Variants in TRIP11 observed in about 807,000 individuals in gnomAD.
The protein encoded by TRIP11 is thyroid hormone receptor interactor 11.
In TRIP11, 148 loss-of-function variants were observed where a neutral mutation model predicts 223.1. That is an observed-to-expected ratio of 0.66 (90% CI 0.58 to 0.76). The LOEUF (loss-of-function observed/expected upper bound fraction) is 0.76. Ranked by LOEUF, TRIP11 falls within the 30% of genes least tolerant of loss-of-function variation. The probability of loss-of-function intolerance (pLI) is 0.00; values close to 1 mark genes in which losing one functional copy is unlikely to be tolerated. For missense variants in TRIP11, 2,043 were observed against 2,222.0 expected (o/e 0.92, Z 1.62); for synonymous variants, 762 against 772.6 (o/e 0.99, Z 0.23).
intron 16 of TRIP11, among the ~76,000 whole-genome samples, chr14:91,976,710 A>C (rs1404799506): frequency 6.6e-6 from 1 of 152,220 alleles, no homozygotes; most frequent in Admixed American, 6.5e-5. Context: ...AAATTGCAAA[A>C]TATAATTCAG....
chr14:91,968,379 T>G lies in TRIP11; in HGVS notation c.*1294A>C, dbSNP rs143185383. ...TATGAAAAATTAAAGAAATACTTTC[T>G]TAAGTTTCAAACATCTGGGTACTGG... On this transcript the variant is annotated 3_prime_UTR_variant, in exon 21 of 21. Coordinates refer to ENST00000267622, the MANE Select transcript of TRIP11 (RefSeq NM_004239.4). 1 of 205,724 alleles carries G rather than the reference T, an allele frequency of 4.9e-6. No individual in the cohort carries two copies. The highest frequency in any genetic ancestry group is 9.9e-6 in the Non-Finnish European group (1 of 100,848). 12.7% of individuals were successfully genotyped at this position (205,724 alleles called of 1,614,324 possible).
rs192470618 is a variant in TRIP11, at chr14:92,018,290, T to C, written c.589-540A>G. Among the ~76,000 whole-genome samples, 88 of 151,940 alleles carry C rather than the reference T, an allele frequency of 5.8e-4. No homozygotes were observed. The Middle Eastern group carries it at 0.02, about 35-fold the overall frequency. ...TTTTTTTGTAGAGATGGGATCTCAC[T>C]ATGTTGCCCAGGCTGGTCTCGAGCT... On this transcript the variant is annotated intron_variant, in intron 4 of 20. Coordinates refer to ENST00000267622, the MANE Select transcript of TRIP11 (RefSeq NM_004239.4).
chr14:91,994,498 C>T (rs1203229736), intron 14 of TRIP11, among the ~76,000 whole-genome samples: 6 of 152,152 alleles, frequency 3.9e-5, no homozygotes, highest in Non-Finnish European at 7.3e-5. Context: ...CCCGCCTTGG[C>T]CTCCCAAAGT....
At chr14:92,007,444 T>C (rs925197489) in intron 10 of TRIP11, among the ~76,000 whole-genome samples, 196 bp downstream of exon 10, 1 of 152,264 alleles carries the variant, frequency 6.6e-6, no homozygotes, top group Non-Finnish European at 1.5e-5. Flanking sequence ...CACTCATTTG[T>C]TGGTATCACA....
chr14:91,974,778 A>C, intron 18 of TRIP11, 35 bp from the exon 19 acceptor site: 1 of 1,463,218 alleles, frequency 6.8e-7, no homozygotes, highest in Non-Finnish European at 9.4e-7. Context: ...AAATATTATC[A>C]GTACAAGAAA....
chr14:91,988,349 G>A lies in TRIP11; in HGVS notation c.5195C>T (p.Ser1732Leu). 1 of 1,613,734 alleles carries A rather than the reference G, an allele frequency of 6.2e-7. No homozygotes were observed. The highest frequency in any genetic ancestry group is 8.5e-7 in the Non-Finnish European group (1 of 1,179,904). The change falls in exon 16 of 21, where the codon TCA becomes TTA. Residue 1732 changes from serine to leucine, a missense_variant. By Grantham distance (145) the Ser-to-Leu change is moderately radical. Coordinates refer to ENST00000267622, the MANE Select transcript of TRIP11 (RefSeq NM_004239.4). The stretch of plus-strand genomic sequence containing the variant: ...TAACTGTTCTGTAAGTCTTGATGCT[G>A]AATCCAATGCAGCATTTGCTTCATC... ...CLDEANAALD[S>L]ASRLTEQLDV... is the part of the protein sequence containing the mutation.
In TRIP11 at chr14:92,004,388, A is replaced by G. The variant is rs758064584; in HGVS notation, c.3588T>C (p.Ala1196=). Residue 1196 remains alanine (A), a synonymous_variant, in exon 11 of 21, where the codon GCT becomes GCC. Coordinates refer to ENST00000267622, the MANE Select transcript of TRIP11 (RefSeq NM_004239.4). ...CAAATTGATTACTATTAACACCTCC[A>G]GCCTCATTACCAGTGCTGGATGTTT... ...VLQTSSTGNE[A]GGVNSNQFEE... The G allele has an allele frequency of 5.0e-6, 8 of 1,614,066 alleles. No individual in the cohort carries two copies. The highest frequency in any genetic ancestry group is 6.8e-6 in the Non-Finnish European group (8 of 1,180,030).
Position 92,014,536 on chromosome 14 carries a change from C to T in TRIP11, c.865G>A (p.Glu289Lys). 6.3e-7 allele frequency: 1 copy of T among 1,598,854 alleles called. No individual in the cohort carries two copies. The highest frequency in any genetic ancestry group is 8.5e-7 in the Non-Finnish European group (1 of 1,176,624). ...VIETDLSKIY[E>K]MQKTIQVLQI... Reference sequence around the variant, plus strand: ...AGAACTTGAATAGTTTTTTGCATCTCATAGATTTTAGAGAGATCAGTTTCT... The same window carrying T: ...AGAACTTGAATAGTTTTTTGCATCTTATAGATTTTAGAGAGATCAGTTTCT... The change falls in exon 7 of 21, where the codon GAG becomes AAG. Residue 289 changes from glutamate to lysine, a missense_variant. Transcript: ENST00000267622.
intron 16 of TRIP11, among the ~76,000 whole-genome samples, chr14:91,982,734 G>A (rs980698934): frequency 6.6e-6 from 1 of 152,320 alleles, no homozygotes; most frequent in Non-Finnish European, 1.5e-5. Context: ...GCAGCTGGGC[G>A]GAGCTGAGAA....
rs750903702 is a variant in TRIP11, at chr14:91,972,737, T to C, written c.5699A>G (p.Asn1900Ser). ...TTTACCTTTAAAACTTTCTGGTGCA[T>C]TTGTATCTCTTTTTCTTCTTCCTGG... ...DSPGRRKRDT[N>S]APESFKDTAE... Residue 1900 changes from asparagine to serine, a missense_variant, in exon 20 of 21, where the codon AAT (asparagine) becomes AGT (serine). By Grantham distance (46) the Asn-to-Ser change is conservative (BLOSUM62 1). Coordinates refer to ENST00000267622, the MANE Select transcript of TRIP11 (RefSeq NM_004239.4). 3 of 1,610,922 alleles carry C rather than the reference T, an allele frequency of 1.9e-6. No individual in the cohort carries two copies. The highest frequency in any genetic ancestry group is 2.2e-5 in the East Asian group (1 of 44,754).
Position 91,969,489 on chromosome 14 carries a change from A to G in TRIP11, c.*184T>C. Reference sequence around the variant, plus strand: ...GAAGGAATAAAGCAGATTATATAGCAAACACTTGCTCCTGACACCTGCAGT... The same window carrying G: ...GAAGGAATAAAGCAGATTATATAGCGAACACTTGCTCCTGACACCTGCAGT... On this transcript the variant is annotated 3_prime_UTR_variant, in exon 21 of 21. Coordinates refer to ENST00000267622, the MANE Select transcript of TRIP11 (RefSeq NM_004239.4). 3.0e-6 allele frequency: 2 copies of G among 662,606 alleles called. No individual in the cohort carries two copies. Among genetic ancestry groups the G allele is most frequent in the Non-Finnish European group, 2.7e-6 (1 of 370,184 alleles). The allele number at this position is 662,606 out of a possible 1,614,324, so 41.0% of individuals were successfully genotyped here. A position where few individuals can be genotyped will look rare whatever the true frequency, so the allele number is the denominator to read the frequency against.
At chr14:92,019,011 A>G (rs2057076645) in intron 4 of TRIP11, among the ~76,000 whole-genome samples, 1 of 151,846 alleles carries the variant, frequency 6.6e-6, no homozygotes, top group South Asian at 2.1e-4. Flanking sequence ...CTTATTTATA[A>G]AATAGAGGTA....
At chr14:91,993,772 A>C (rs1482481713) in intron 15 of TRIP11, 37 bp downstream of exon 15, 1 of 1,487,888 alleles carries the variant, frequency 6.7e-7, no homozygotes, top group Non-Finnish European at 9.4e-7. Context: ...TGTTCCATGA[A>C]TAATAAAACC....
intron 19 of TRIP11, among the ~76,000 whole-genome samples, chr14:91,974,051 T>G (rs545062360): frequency 3.4e-4 from 52 of 152,038 alleles, no homozygotes; most frequent in Non-Finnish European, 3.2e-4. Flanking sequence ...AAACAAAAGC[T>G]AAGAGAAAGA....
chr14:92,006,780 T>G (rs1000659228), intron 10 of TRIP11, among the ~76,000 whole-genome samples: 1 of 152,124 alleles, frequency 6.6e-6, no homozygotes, highest in Non-Finnish European at 1.5e-5. Context: ...GCAATTCTCC[T>G]GCCTCAACCT....
At chr14:92,022,551 G>C (rs996748020) in intron 3 of TRIP11, among the ~76,000 whole-genome samples, 1 of 152,156 alleles carries the variant, frequency 6.6e-6, no homozygotes, top group East Asian at 1.9e-4. Flanking sequence ...GACTAAAGGC[G>C]GGTAAGTCAT....
At chr14:92,029,993 C>G (rs1012678708) in intron 2 of TRIP11, among the ~76,000 whole-genome samples, 1 of 151,766 alleles carries the variant, frequency 6.6e-6, no homozygotes, top group African/African-American at 2.4e-5. Context: ...GTCAGGAGAT[C>G]GAGACCATCC....
chr14:92,008,866 A>G (rs1555386865), intron 9 of TRIP11, among the ~76,000 whole-genome samples: 1 of 151,820 alleles, frequency 6.6e-6, no homozygotes, highest in Non-Finnish European at 1.5e-5. Flanking sequence ...ATACAGCAAG[A>G]CTCTCTCTCT....
At chr14:91,984,441 A>C (rs960495718) in intron 16 of TRIP11, among the ~76,000 whole-genome samples, 3 of 150,412 alleles carry the variant, frequency 2.0e-5, no homozygotes, top group Non-Finnish European at 3.0e-5. Context: ...TCAGCCTCCC[A>C]AGAAGCTGGG....
Sources: gnomAD v4.1 joint callset for allele counts (sites outside exome capture counted in the v4.1 genomes callset) on GRCh38, gnomAD v4.1.1 for gene constraint, MANE v1.5 for transcripts, NCBI Gene and HGNC (gene_info 2026-07-23, HGNC 2026-07-21) for gene names.